SUMF2: variants seen among roughly 807,000 people sequenced by gnomAD.
SUMF2 encodes the protein sulfatase modifying factor 2.
SUMF2 carries 45 observed loss-of-function variants against 44.8 expected under a neutral mutation model. That is an observed-to-expected ratio of 1.00 (90% CI 0.79 to 1.29). The LOEUF (loss-of-function observed/expected upper bound fraction) is 1.29, where lower values mean the gene tolerates loss of function less well. Ranked by LOEUF, SUMF2 falls within the 50% of genes most tolerant of loss-of-function variation. The pLI, the probability that SUMF2 is intolerant of heterozygous loss-of-function variation, is 0.00. For missense variants in SUMF2, 418 were observed against 389.9 expected (o/e 1.07, Z -0.61); for synonymous variants, 148 against 150.4 (o/e 0.98, Z 0.12).
chr7:56,087,009 G>A, the SUMF2 span: 3 of 1,613,248 alleles, frequency 1.9e-6, no homozygotes, highest in South Asian at 2.2e-5. Context: ...GGTCTCATAA[G>A]TGTCCTTCAG....
chr7:56,087,227 ATTAT>A, the SUMF2 span, among the ~76,000 whole-genome samples: 1 of 147,648 alleles, frequency 6.8e-6, no homozygotes, highest in Admixed American at 6.8e-5. Context: ...TATTATTATT[ATTAT>A]TATTATTAGA....
chr7:56,087,082 C>T, the SUMF2 span: 44 of 1,345,680 alleles, frequency 3.3e-5, no homozygotes, highest in African/African-American at 8.6e-5. Flanking sequence ...CAGGGGCAGC[C>T]GGGGCACGGG....
At chr7:56,077,390 A>G (rs1475067649) in intron 6 of SUMF2, among the ~76,000 whole-genome samples, 1 of 144,188 alleles carries the variant, frequency 6.9e-6, no homozygotes, top group African/African-American at 2.5e-5. Flanking sequence ...GGCTGGGTGC[A>G]GTGGCTCACG....
Position 56,074,655 on chromosome 7 carries a change from GC to G in SUMF2, c.457del (p.Arg153ValfsTer25). The G allele has an allele frequency of 6.2e-7, 1 of 1,614,178 alleles. No individual in the cohort carries two copies. Among genetic ancestry groups the G allele is most frequent in the Non-Finnish European group, 8.5e-7 (1 of 1,180,032 alleles). On this transcript the variant is annotated frameshift_variant, in exon 5 of 9. Coordinates refer to ENST00000434526, the MANE Select transcript of SUMF2 (RefSeq NM_015411.4). LOFTEE classifies it high-confidence loss of function. ...AGTGTTACACGTGAGCTGGAATGAC[GC>G]CCGTGCCTACTGTGCTTGGCGGGGA... The part of the protein sequence containing the change: ...HPVLHVSWND[A>X]RAYCAWRGKR...
intron 8 of SUMF2, chr7:56,079,051 T>C: frequency 1.8e-6 from 1 of 545,982 alleles, no homozygotes. Context: ...TGCGGCTAAT[T>C]TTTGTAGAGA....
At chr7:56,083,435 G>T (rs199588043), downstream of SUMF2, 166 of 1,614,144 alleles carry the variant, frequency 1.0e-4, no homozygotes, top group East Asian at 3.5e-3. Context: ...GAGCTCGCAT[G>T]ATCTTTCTAG....
Position 56,078,243 on chromosome 7 carries a change from T to C in SUMF2, c.676+57T>C, listed in dbSNP as rs1181608796. On this transcript the variant is annotated intron_variant, in intron 7 of 8. Transcript: ENST00000434526. The stretch of plus-strand genomic sequence containing the variant: ...CATGAACTGGCTGTTGGGACCATCA[T>C]GTCTGAGAGAGGAGGCAGAGGGAAG... The C allele has an allele frequency of 4.4e-6, 7 of 1,579,120 alleles. No individual in the cohort carries two copies. The Admixed American group carries it at 5.2e-5, about 12-fold the overall frequency.
chr7:56,081,168 G>GT (rs753717343), downstream of SUMF2: 11 of 1,613,922 alleles, frequency 6.8e-6, no homozygotes, highest in South Asian at 1.2e-4. The surrounding 1 kb of genome is among the most constrained non-coding windows in gnomAD (Gnocchi z 4.6). Context: ...TTCGGAAAGC[G>GT]TAGGCGTCGA....
intron 1 of SUMF2, among the ~76,000 whole-genome samples, chr7:56,065,625 G>A (rs1274312664): frequency 6.6e-6 from 1 of 151,932 alleles, no homozygotes; most frequent in East Asian, 1.9e-4. Context: ...TGGGGCGGGG[G>A]GCAAGGTCTC....
chr7:56,068,751 T>G (rs1794978442), intron 2 of SUMF2, 113 bp downstream of exon 2: 1 of 1,271,284 alleles, frequency 7.9e-7, no homozygotes, highest in Admixed American at 2.7e-5. Context: ...ACCCAGGTGC[T>G]GGAGTGCAGT....
At chr7:56,069,037 T>A (rs1361200631) in intron 2 of SUMF2, among the ~76,000 whole-genome samples, 2 of 152,094 alleles carry the variant, frequency 1.3e-5, no homozygotes, top group Non-Finnish European at 2.9e-5. Context: ...AAAGGAAAAC[T>A]AACTTGTTCA....
In SUMF2 at chr7:56,078,445, G is replaced by A. The variant is rs750030060; in HGVS notation, c.758G>A (p.Arg253Gln). 3.0e-5 allele frequency: 49 copies of A among 1,607,668 alleles called. No individual in the cohort carries two copies. Among genetic ancestry groups the A allele is most frequent in the Non-Finnish European group, 3.7e-5 (43 of 1,176,568 alleles). ...GCTGAGCAGGACATGCGCGTCCTCC[G>A]GGGGGCATCCTGGATCGACACAGCT... ...QAAEQDMRVL[R>Q]GASWIDTADG... The change falls in exon 8 of 9, where the codon CGG becomes CAG. Residue 253 changes from arginine (R) to glutamine (Q), a missense_variant. Transcript: ENST00000434526.
chr7:56,078,293 C>G (rs1795708999), intron 7 of SUMF2, 71 bp from the exon 8 acceptor site: 1 of 1,561,036 alleles, frequency 6.4e-7, no homozygotes, highest in East Asian at 2.3e-5. Flanking sequence ...CATTTGGCCC[C>G]CAGGACCTCA....
intron 2 of SUMF2, among the ~76,000 whole-genome samples, chr7:56,072,672 G>A (rs917701925): frequency 1.3e-5 from 2 of 151,954 alleles, no homozygotes; most frequent in Admixed American, 6.6e-5. Context: ...GCAGTGAGCC[G>A]AGATCACACC....
At chr7:56,076,536 G>A in intron 5 of SUMF2, 1 of 298,592 alleles carries the variant, frequency 3.3e-6, no homozygotes, top group Non-Finnish European at 6.2e-6. Context: ...CCAATTTCAA[G>A]TTTCTCGATT....
downstream of SUMF2, chr7:56,083,263 G>T: frequency 6.2e-7 from 1 of 1,613,256 alleles, no homozygotes; most frequent in Non-Finnish European, 8.5e-7. Flanking sequence ...GTGGGCCAAG[G>T]CCATGTTACC....
At chr7:56,087,867 G>A in the SUMF2 span, 3 of 1,022,692 alleles carry the variant, frequency 2.9e-6, no homozygotes, top group African/African-American at 3.2e-5. Context: ...TCCTGCCCTT[G>A]ACAGAGATTT....
intron 5 of SUMF2, among the ~76,000 whole-genome samples, chr7:56,075,445 A>C (rs1273892046): frequency 6.6e-6 from 1 of 151,898 alleles, no homozygotes; most frequent in African/African-American, 2.4e-5. Flanking sequence ...GCCTGTAATC[A>C]AAGCACTTTG....
At chr7:56,087,464 T>C in the SUMF2 span, 1 of 771,206 alleles carries the variant, frequency 1.3e-6, no homozygotes, top group Non-Finnish European at 2.1e-6. Flanking sequence ...ATCAGAGCAG[T>C]GAGGGTGGAG....
Sources: allele counts gnomAD v4.1 joint callset (sites outside exome capture counted in the v4.1 genomes callset), GRCh38; gene constraint gnomAD v4.1.1; non-coding constraint Gnocchi (gnomAD v3.1); transcripts MANE v1.5; gene names NCBI Gene and HGNC (gene_info 2026-07-23, HGNC 2026-07-21).